Variants in FSTL5 observed in about 807,000 individuals in gnomAD.
FSTL5 encodes the protein follistatin-related protein 5.
FSTL5 carries 62 observed loss-of-function variants against 89.1 expected under a neutral mutation model. The observed-to-expected ratio is 0.70, with a 90% CI of 0.57 to 0.86. The LOEUF (loss-of-function observed/expected upper bound fraction) is 0.86, where lower values mean the gene tolerates loss of function less well. FSTL5 is among the 40% of genes least tolerant of loss of function. The probability of loss-of-function intolerance (pLI) is 0.00; values close to 1 mark genes in which losing one functional copy is unlikely to be tolerated. For synonymous variants in FSTL5, 383 were observed against 346.2 expected (o/e 1.11, Z -1.18); for missense variants, 1,057 against 1,001.6 (o/e 1.06, Z -0.75).
At chr4:161,618,876 CGCCAAGTCAATCCTAA>C (rs1734997041) in intron 7 of FSTL5, among the ~76,000 whole-genome samples, 1 of 152,042 alleles carries the variant, frequency 6.6e-6, no homozygotes, top group Non-Finnish European at 1.5e-5. Context: ...GAGCCTGCAT[CGCCAAGTCAATCCTAA>C]GCCAAAAGAA....
At chr4:161,758,110 A>G (rs1560829007) in intron 6 of FSTL5, among the ~76,000 whole-genome samples, 1 of 152,180 alleles carries the variant, frequency 6.6e-6, no homozygotes, top group Non-Finnish European at 1.5e-5. Context: ...CTTTTTTCAT[A>G]TATTATTTTG....
chr4:161,949,568 C>A (rs1276518171), intron 3 of FSTL5, among the ~76,000 whole-genome samples: 1 of 151,866 alleles, frequency 6.6e-6, no homozygotes, highest in Non-Finnish European at 1.5e-5. Flanking sequence ...CTGGTCCAAC[C>A]CCTTTCTTTC....
chr4:161,627,185 C>T (rs1249593093), intron 7 of FSTL5, among the ~76,000 whole-genome samples: 1 of 152,110 alleles, frequency 6.6e-6, no homozygotes, highest in Non-Finnish European at 1.5e-5. Flanking sequence ...TCGATTGATG[C>T]AGCAAACTTC....
intron 6 of FSTL5, among the ~76,000 whole-genome samples, chr4:161,703,311 C>T (rs1349611608): frequency 6.6e-6 from 1 of 152,156 alleles, no homozygotes; most frequent in Non-Finnish European, 1.5e-5. Context: ...TAAGTCCAAA[C>T]TTCACCACTC....
chr4:161,618,053 G>A (rs1014460741), intron 7 of FSTL5, among the ~76,000 whole-genome samples: 1 of 151,706 alleles, frequency 6.6e-6, no homozygotes, highest in African/African-American at 2.4e-5. Flanking sequence ...CTTGTAAGTT[G>A]GATTCCTAGG....
intron 5 of FSTL5, among the ~76,000 whole-genome samples, chr4:161,772,071 A>G (rs1171253202): frequency 4.6e-5 from 7 of 151,904 alleles, no homozygotes; most frequent in Non-Finnish European, 7.4e-5. Flanking sequence ...TGATTTTTTT[A>G]TGTCTTTTTT....
At chr4:161,929,702 T>TGTAC (rs60033710) in intron 3 of FSTL5, among the ~76,000 whole-genome samples, 1 of 150,584 alleles carries the variant, frequency 6.6e-6, no homozygotes, top group Non-Finnish European at 1.5e-5. Context: ...TGTGTGTGTG[T>TGTAC]ACATAGTTTA....
At chr4:161,958,130 T>C (rs1735074691) in intron 3 of FSTL5, among the ~76,000 whole-genome samples, 1 of 152,098 alleles carries the variant, frequency 6.6e-6, no homozygotes, top group Admixed American at 6.6e-5. Context: ...ATTCTTCCAC[T>C]GTATCTATCC....
intron 15 of FSTL5, among the ~76,000 whole-genome samples, chr4:161,438,925 A>G (rs1732667894): frequency 1.3e-5 from 2 of 151,922 alleles, no homozygotes; most frequent in South Asian, 4.1e-4. Context: ...CTATGCTGGT[A>G]TTATATGAAA....
intron 15 of FSTL5, among the ~76,000 whole-genome samples, chr4:161,426,892 T>C (rs1732184337): frequency 6.6e-6 from 1 of 152,344 alleles, no homozygotes; most frequent in South Asian, 2.1e-4. Context: ...AAAATACACA[T>C]ATTTTTTACC....
intron 15 of FSTL5, among the ~76,000 whole-genome samples, chr4:161,421,215 C>T (rs1038294997): frequency 6.6e-6 from 1 of 151,914 alleles, no homozygotes; most frequent in Non-Finnish European, 1.5e-5. Context: ...GTGGTGTGCA[C>T]CTGTAGTCCC....
At chr4:161,744,536 A>G (rs1049823051) in intron 6 of FSTL5, among the ~76,000 whole-genome samples, 1 of 152,126 alleles carries the variant, frequency 6.6e-6, no homozygotes, top group Non-Finnish European at 1.5e-5. Context: ...ATAAATATTC[A>G]TATAATACCA....
rs62329243 is a variant in FSTL5, at chr4:161,882,961, C to A, written c.409+37443G>T. ...ACCCCAAAAAGACATTTCTCCAACA[C>A]CTTCATATATTATCTCATTGGGATC... On this transcript the variant is annotated intron_variant, in intron 4 of 15. Transcript: ENST00000306100. 3.9e-3 allele frequency among the ~76,000 whole-genome samples: 596 copies of A among 152,206 alleles called. 2 individuals are homozygous for A. Among genetic ancestry groups the A allele is most frequent in the Non-Finnish European group, 6.4e-3 (438 of 67,976 alleles).
chr4:161,809,805 T>C (rs544928104), intron 4 of FSTL5, among the ~76,000 whole-genome samples: 30 of 152,280 alleles, frequency 2.0e-4, no homozygotes, highest in Admixed American at 1.8e-3. Flanking sequence ...CAAAGTACAA[T>C]GGTTGCAGCT....
chr4:161,714,262 A>T (rs1366181704), intron 6 of FSTL5, among the ~76,000 whole-genome samples: 1 of 152,010 alleles, frequency 6.6e-6, no homozygotes, highest in Non-Finnish European at 1.5e-5. Flanking sequence ...TTCTCACACA[A>T]GGAGAATGTA....
intron 6 of FSTL5, among the ~76,000 whole-genome samples, chr4:161,660,849 C>T (rs912917117): frequency 2.6e-5 from 4 of 151,994 alleles, no homozygotes; most frequent in Non-Finnish European, 5.9e-5. Context: ...GTATACGTAC[C>T]ACATTTTGTT....
intron 7 of FSTL5, among the ~76,000 whole-genome samples, chr4:161,625,408 A>C (rs572284421): frequency 3.3e-5 from 5 of 152,196 alleles, no homozygotes; most frequent in African/African-American, 1.2e-4. Flanking sequence ...GATTGTGATC[A>C]GTTATCATTG....
intron 6 of FSTL5, among the ~76,000 whole-genome samples, chr4:161,708,673 C>A (rs924306153): frequency 1.3e-5 from 2 of 151,836 alleles, no homozygotes; most frequent in African/African-American, 2.4e-5. Context: ...TCCATGACTG[C>A]GACTTTGTTG....
At chr4:161,884,078 T>A (rs1732722971) in intron 4 of FSTL5, among the ~76,000 whole-genome samples, 1 of 151,074 alleles carries the variant, frequency 6.6e-6, no homozygotes. Flanking sequence ...TGAGACGGAG[T>A]CTTGCTGTGT....
Sources: gnomAD v4.1 joint callset for allele counts (sites outside exome capture counted in the v4.1 genomes callset) on GRCh38, gnomAD v4.1.1 for gene constraint, MANE v1.5 for transcripts, NCBI Gene and HGNC (gene_info 2026-07-23, HGNC 2026-07-21) for gene names.